Variants in LYPD5 observed in about 807,000 individuals in gnomAD.
The protein encoded by LYPD5 is ly6/PLAUR domain-containing protein 5.
A neutral mutation model predicts 19.1 loss-of-function variants in LYPD5; 21 were observed. The ratio of observed to expected loss-of-function variants is 1.10; its 90% CI spans 0.78 to 1.58. The LOEUF (loss-of-function observed/expected upper bound fraction) is 1.58. Among genes scored for constraint, LYPD5 ranks in the 40% most tolerant of loss-of-function variants. The probability of loss-of-function intolerance (pLI) is 0.00; values close to 1 mark genes in which losing one functional copy is unlikely to be tolerated. For synonymous variants in LYPD5, 128 were observed against 142.7 expected (o/e 0.90, Z 0.74); for missense variants, 287 against 329.8 (o/e 0.87, Z 1.00).
At chr19:43,802,561 G>A, upstream of LYPD5, 1 of 290,952 alleles carries the variant, frequency 3.4e-6, no homozygotes, top group Non-Finnish European at 5.8e-6. Flanking sequence ...ATCCTCAGTT[G>A]CTGGAGATCT....
Position 43,798,832 on chromosome 19 carries a change from G to A in LYPD5, c.350C>T (p.Ala117Val). ...KCNAHLMTHD[A>V]LPNLSQAPDP... The stretch of plus-strand genomic sequence containing the variant: ...CGCACCTTGGCTCAGGTTGGGGAGG[G>A]CGTCATGAGTCATGAGGTGGGCGTT... The change falls in exon 3 of 5, where the codon GCC (alanine) becomes GTC (valine). Residue 117 changes from alanine (A) to valine (V), a missense_variant. Coordinates refer to ENST00000377950, the MANE Select transcript of LYPD5 (RefSeq NM_001031749.3). 1 of 1,610,612 alleles carries A rather than the reference G, an allele frequency of 6.2e-7. No homozygotes were observed. Among genetic ancestry groups the A allele is most frequent in the Non-Finnish European group, 8.5e-7 (1 of 1,178,560 alleles).
Position 43,797,483 on chromosome 19 carries a change from G to A in LYPD5, c.*108C>T. 1.1e-6 allele frequency: 1 copy of A among 901,440 alleles called. No homozygotes were observed. Among genetic ancestry groups the A allele is most frequent in the Non-Finnish European group, 1.7e-6 (1 of 580,180 alleles). 55.8% of individuals were successfully genotyped at this position (901,440 alleles called of 1,614,324 possible). ...GAGAGATGGAAGGCCAGAGGGACAG[G>A]AGTGCAATTCTTACTTTAACATCAT... On this transcript the variant is annotated 3_prime_UTR_variant, in exon 5 of 5. Transcript: ENST00000377950.
Position 43,799,838 on chromosome 19 carries a change from G to T in LYPD5, c.65-4C>A. 1 of 1,608,804 alleles carries T rather than the reference G, an allele frequency of 6.2e-7. No individual in the cohort carries two copies. The highest frequency in any genetic ancestry group is 1.1e-5 in the South Asian group (1 of 89,770). On this transcript the variant is annotated splice_region_variant and splice_polypyrimidine_tract_variant and intron_variant, in intron 1 of 4. Transcript: ENST00000377950. Reference sequence around the variant, plus strand: ...TAGCACTGCAGGGCTTGGGACCCTGGGGAGAGAGGCGTGGCAGAGTCAGCA... The same window carrying T: ...TAGCACTGCAGGGCTTGGGACCCTGTGGAGAGAGGCGTGGCAGAGTCAGCA...
chr19:43,814,865 C>T (rs1970357530), intron 1 of LYPD5, among the ~76,000 whole-genome samples: 1 of 152,178 alleles, frequency 6.6e-6, no homozygotes. Context: ...GGGTTAGATA[C>T]CCAACTCATG....
At chr19:43,802,522 TC>T, upstream of LYPD5, 1 of 617,402 alleles carries the variant, frequency 1.6e-6, no homozygotes, top group Admixed American at 2.4e-5. Context: ...GCGGGTCTCT[TC>T]CTAGGTAATC....
upstream of LYPD5, among the ~76,000 whole-genome samples, chr19:43,807,250 T>TC (rs1041383549): frequency 2.0e-5 from 3 of 151,664 alleles, no homozygotes; most frequent in African/African-American, 7.3e-5. Flanking sequence ...GAAGTGCCCC[T>TC]CACCTCATTT....
chr19:43,805,780 T>C (rs1277419394), upstream of LYPD5, among the ~76,000 whole-genome samples: 1 of 152,234 alleles, frequency 6.6e-6, no homozygotes, highest in Non-Finnish European at 1.5e-5. Context: ...AGTGCTGGGA[T>C]TACAGGCGTG....
intron 2 of LYPD5, among the ~76,000 whole-genome samples, chr19:43,799,253 T>G (rs1368657141): frequency 6.6e-6 from 1 of 152,044 alleles, no homozygotes; most frequent in Non-Finnish European, 1.5e-5. Context: ...CTTTTTCTTT[T>G]GTGGGGCGGA....
At chr19:43,819,129 T>C (rs980606969) in intron 1 of LYPD5, among the ~76,000 whole-genome samples, 5 of 152,156 alleles carry the variant, frequency 3.3e-5, no homozygotes, top group African/African-American at 9.6e-5. Flanking sequence ...TTGTTGGCAT[T>C]TAGCCTCTAT....
upstream of LYPD5, among the ~76,000 whole-genome samples, chr19:43,807,284 TTTC>T (rs1267464754): frequency 1.2e-3 from 150 of 123,552 alleles, 3 homozygotes; most frequent in East Asian, 4.7e-3. Context: ...TTCTTTTCTT[TTTC>T]TTTTTTTTTT....
intron 1 of LYPD5, among the ~76,000 whole-genome samples, chr19:43,811,405 G>C (rs1970322427): frequency 6.6e-6 from 1 of 152,230 alleles, no homozygotes; most frequent in Non-Finnish European, 1.5e-5. Flanking sequence ...TAGCTCATCA[G>C]CTGGGCACGG....
rs565736037 is a variant in LYPD5 at position 43,808,985 on chromosome 19, C to T, written c.-65-9151G>A. ...TTGCATAATACTCTTTAATTTCAACCCACACACATTCTTTGTGGATGATTA... is the reference window on the plus strand; with the variant it reads ...TTGCATAATACTCTTTAATTTCAACTCACACACATTCTTTGTGGATGATTA... On this transcript the variant is annotated intron_variant, in intron 1 of 4. Transcript: ENST00000414615. Among the ~76,000 whole-genome samples, 6 of 152,198 alleles carry T rather than the reference C, an allele frequency of 3.9e-5. No individual in the cohort carries two copies. In the East Asian group the frequency reaches 1.2e-3, roughly 29 times the overall value.
chr19:43,802,367 A>AC lies in LYPD5; in HGVS notation c.13dup (p.Val5GlyfsTer28). The stretch of plus-strand genomic sequence containing the variant: ...GAGGCAGAGCAGAATGACTCTGGGG[A>AC]CCCCCATTGCCATTGCTGAGCTGGG... On this transcript the variant is annotated frameshift_variant, in exon 1 of 5. Coordinates refer to ENST00000377950, the MANE Select transcript of LYPD5 (RefSeq NM_001031749.3). LOFTEE classifies it high-confidence loss of function. The AC allele has an allele frequency of 2.6e-6, 4 of 1,551,396 alleles. No homozygotes were observed. The highest frequency in any genetic ancestry group is 3.5e-6 in the Non-Finnish European group (4 of 1,146,906).
chr19:43,811,522 C>T (rs769924929), intron 1 of LYPD5, among the ~76,000 whole-genome samples: 2 of 152,108 alleles, frequency 1.3e-5, no homozygotes, highest in Non-Finnish European at 2.9e-5. Context: ...TCTGTCTCTA[C>T]TAAAAATACA....
At chr19:43,809,035 G>A (rs984946127) in intron 1 of LYPD5, among the ~76,000 whole-genome samples, 17 of 152,088 alleles carry the variant, frequency 1.1e-4, no homozygotes, top group Admixed American at 7.2e-4. Context: ...TTAGTTTGTT[G>A]TGTTATTGTT....
Position 43,799,740 on chromosome 19 carries a change from A to G in LYPD5, c.159T>C (p.His53=). The part of the protein sequence containing the change: ...AMKLPSISCP[H]ECFEAILSLD... ...GAGACAGGATAGCCTCAAAGCACTCATGAGGACAGGAGATGCTGGGCAGCT... is the reference window on the plus strand; with the variant it reads ...GAGACAGGATAGCCTCAAAGCACTCGTGAGGACAGGAGATGCTGGGCAGCT... The change falls in exon 2 of 5, where the codon CAT becomes CAC. Residue 53 remains histidine, a synonymous_variant. Coordinates refer to ENST00000377950, the MANE Select transcript of LYPD5 (RefSeq NM_001031749.3). 1 of 1,613,716 alleles carries G rather than the reference A, an allele frequency of 6.2e-7. No individual in the cohort carries two copies. Among genetic ancestry groups the G allele is most frequent in the East Asian group, 2.2e-5 (1 of 44,862 alleles).
chr19:43,811,588 AGGCAGGAGAAT>A (rs1970323848), intron 1 of LYPD5, among the ~76,000 whole-genome samples: 1 of 152,120 alleles, frequency 6.6e-6, no homozygotes, highest in Non-Finnish European at 1.5e-5. Flanking sequence ...TGGGAGGCAA[AGGCAGGAGAAT>A]GGCTTGGACC....
intron 1 of LYPD5, among the ~76,000 whole-genome samples, chr19:43,812,598 C>T (rs1970335838): frequency 6.6e-6 from 1 of 152,152 alleles, no homozygotes. Context: ...TAACTTGAAA[C>T]TTGATCGTTC....
At chr19:43,816,077 T>TCTATCTATCTAC (rs1555729556) in intron 1 of LYPD5, among the ~76,000 whole-genome samples, 10 of 141,344 alleles carry the variant, frequency 7.1e-5, no homozygotes, top group Non-Finnish European at 1.3e-4. Flanking sequence ...TATCTATCTA[T>TCTATCTATCTAC]CTACCTATCA....
Sources: allele counts gnomAD v4.1 joint callset (sites outside exome capture counted in the v4.1 genomes callset), GRCh38; gene constraint gnomAD v4.1.1; transcripts MANE v1.5; gene names NCBI Gene and HGNC (gene_info 2026-07-23, HGNC 2026-07-21).